Variants in TRAF6 observed in about 807,000 individuals in gnomAD.
TRAF6 encodes TNF receptor-associated factor 6.
TRAF6 carries 10 observed loss-of-function variants against 48.4 expected under a neutral mutation model. That is an observed-to-expected ratio of 0.21 (90% CI 0.13 to 0.35). The LOEUF (loss-of-function observed/expected upper bound fraction) is 0.35. Ranked by LOEUF, TRAF6 falls within the 10% of genes least tolerant of loss-of-function variation. TRAF6 has a pLI of 1.00. For synonymous variants in TRAF6, 186 were observed against 219.6 expected (o/e 0.85, Z 1.35); for missense variants, 397 against 661.0 (o/e 0.60, Z 4.38).
chr11:36,504,976 A>C (rs554949), intron 1 of TRAF6, among the ~76,000 whole-genome samples: 139,334 of 152,258 alleles, frequency 0.92, 64,514 homozygotes, highest in Non-Finnish European at 0.98. Flanking sequence ...GTGGGCTTAA[A>C]ATATTCAGTA....
intron 2 of TRAF6, among the ~76,000 whole-genome samples, chr11:36,500,781 A>C (rs560517517): frequency 6.6e-6 from 1 of 152,258 alleles, no homozygotes; most frequent in South Asian, 2.1e-4. Context: ...TTTACAGTTG[A>C]CCATACACTT....
At chr11:36,504,159 T>C (rs1016147033) in intron 1 of TRAF6, among the ~76,000 whole-genome samples, 2 of 152,150 alleles carry the variant, frequency 1.3e-5, no homozygotes, top group African/African-American at 4.8e-5. Context: ...CTGCTGATGG[T>C]TGAGGTGGCT....
At position 36,501,504 on chromosome 11, in the gene TRAF6, T is replaced by C. The variant is rs1564968297; in HGVS notation, c.12A>G (p.Leu4=). The change falls in exon 2 of 7, where the codon CTA becomes CTG. Residue 4 remains leucine (L), a synonymous_variant. Coordinates refer to ENST00000526995, the MANE Select transcript of TRAF6 (RefSeq NM_004620.4). ...TGGATCCACAGCTGTTTTCACAGTT[T>C]AGCAGACTCATAGTAACTTGATTAT... The part of the protein sequence containing the change: MSL[L]NCENSCGSSQ... 5.0e-6 allele frequency: 8 copies of C among 1,604,488 alleles called. No homozygotes were observed. The highest frequency in any genetic ancestry group is 6.8e-6 in the Non-Finnish European group (8 of 1,173,260).
intron 4 of TRAF6, among the ~76,000 whole-genome samples, chr11:36,495,730 T>C (rs1590637809): frequency 6.6e-6 from 1 of 151,962 alleles, no homozygotes; most frequent in Non-Finnish European, 1.5e-5. Context: ...CCATCTCTAC[T>C]AAAAACACAA....
At chr11:36,508,921 AG>A (rs1456642625) in intron 1 of TRAF6, among the ~76,000 whole-genome samples, 5 of 152,210 alleles carry the variant, frequency 3.3e-5, no homozygotes, top group Non-Finnish European at 7.3e-5. Context: ...ATCACAGAGA[AG>A]AGCTCATGTT....
In TRAF6 at chr11:36,501,204, T is replaced by G. The variant is rs1462204033; in HGVS notation, c.296+16A>C. 1.3e-6 allele frequency: 2 copies of G among 1,548,264 alleles called. No individual in the cohort carries two copies. Among genetic ancestry groups the G allele is most frequent in the Non-Finnish European group, 1.8e-6 (2 of 1,142,342 alleles). On this transcript the variant is annotated intron_variant, in intron 2 of 6. Transcript: ENST00000526995. ...GGTTCTGTTATAGGACACCATTTTT[T>G]CTTATGCTCACGTACCTTATTGATT... is the stretch of plus-strand genomic sequence containing the variant.
intron 2 of TRAF6, among the ~76,000 whole-genome samples, chr11:36,500,909 T>C (rs1301450402): frequency 6.6e-6 from 1 of 152,050 alleles, no homozygotes; most frequent in African/African-American, 2.4e-5. Flanking sequence ...TTAAGGTACA[T>C]TTAAAAAATA....
chr11:36,503,698 T>A (rs1045974224), intron 1 of TRAF6, among the ~76,000 whole-genome samples: 2 of 152,140 alleles, frequency 1.3e-5, no homozygotes, highest in African/African-American at 4.8e-5. Flanking sequence ...AAGCAAACAA[T>A]GGCAAGACAG....
At chr11:36,496,191 T>A (rs1232155050) in intron 4 of TRAF6, among the ~76,000 whole-genome samples, 1 of 152,184 alleles carries the variant, frequency 6.6e-6, no homozygotes, top group African/African-American at 2.4e-5. Context: ...TTGGCAATAT[T>A]AATACAAGTC....
At chr11:36,500,833 C>G (rs369272255) in intron 2 of TRAF6, among the ~76,000 whole-genome samples, 3 of 152,012 alleles carry the variant, frequency 2.0e-5, no homozygotes, top group African/African-American at 7.3e-5. Flanking sequence ...ATCACAATAA[C>G]TGATCACTTA....
At chr11:36,505,385 C>T (rs771764463) in intron 1 of TRAF6, among the ~76,000 whole-genome samples, 34 of 152,288 alleles carry the variant, frequency 2.2e-4, no homozygotes, top group Non-Finnish European at 3.8e-4. Flanking sequence ...TACGGAGATG[C>T]GTTTCTTTCC....
rs1033459948 is a variant in TRAF6, at chr11:36,508,873, A to C, written c.-23+1175T>G. Among the ~76,000 whole-genome samples the C allele has an allele frequency of 1.6e-4, 24 of 152,326 alleles. 1 individual carries two copies. Among genetic ancestry groups the C allele is most frequent in the Admixed American group, 1.5e-3 (23 of 15,304 alleles). ...GGATTTGAACTTCTCTCCAAATCTAAGTGTCCAAAAGTTTACCGGCATCAC... is the reference window on the plus strand; with the variant it reads ...GGATTTGAACTTCTCTCCAAATCTACGTGTCCAAAAGTTTACCGGCATCAC... On this transcript the variant is annotated intron_variant, in intron 1 of 6. Transcript: ENST00000526995.
Position 36,497,241 on chromosome 11 carries a change from G to C in TRAF6, c.473C>G (p.Ala158Gly). 6.2e-7 allele frequency: 1 copy of C among 1,610,218 alleles called. No individual in the cohort carries two copies. Among genetic ancestry groups the C allele is most frequent in the Non-Finnish European group, 8.5e-7 (1 of 1,179,206 alleles). ...LEDHQAHCEFALMDCPQCQRP... is the reference protein window; with the variant it reads ...LEDHQAHCEFGLMDCPQCQRP... ...CTGGCATTGGGGACAATCCATAAGA[G>C]CAAACTCACAATGTGCTTGATGATC... Residue 158 changes from alanine to glycine, a missense_variant, in exon 4 of 7, where the codon GCT becomes GGT. Physicochemically the swap from Ala to Gly is moderately conservative, Grantham distance 60 (BLOSUM62 0). Around this residue, in one of 4 missense-constraint regions of TRAF6, gnomAD observed 245 missense variants for 349.1 expected, o/e 0.70. Coordinates refer to ENST00000526995, the MANE Select transcript of TRAF6 (RefSeq NM_004620.4).
At chr11:36,493,402 A>AT (rs1190741570) in intron 5 of TRAF6, among the ~76,000 whole-genome samples, 1 of 152,132 alleles carries the variant, frequency 6.6e-6, no homozygotes, top group Non-Finnish European at 1.5e-5. Flanking sequence ...GGCCAATAAA[A>AT]TTTTTTGTAA....
Position 36,495,188 on chromosome 11 carries a change from A to T in TRAF6, c.607-141T>A, listed in dbSNP as rs1859613665. On this transcript the variant is annotated intron_variant, in intron 4 of 6. Coordinates refer to ENST00000526995, the MANE Select transcript of TRAF6 (RefSeq NM_004620.4). Reference sequence around the variant, plus strand: ...CAAAGCAAAAGTGAGTGAAAGTGAGAGTAATATATAAAGGCTATTTTCTTT... The same window carrying T: ...CAAAGCAAAAGTGAGTGAAAGTGAGTGTAATATATAAAGGCTATTTTCTTT... 22 of 596,500 alleles carry T rather than the reference A, an allele frequency of 3.7e-5. No homozygotes were observed. In the East Asian group the frequency reaches 6.4e-4, roughly 17 times the overall value. 37.0% of individuals were successfully genotyped at this position (596,500 alleles called of 1,614,324 possible). A position where few individuals can be genotyped will look rare whatever the true frequency, so the allele number is the denominator to read the frequency against.
chr11:36,494,954 A>G, intron 5 of TRAF6, 22 bp downstream of exon 5: 1 of 1,509,278 alleles, frequency 6.6e-7, no homozygotes, highest in Non-Finnish European at 9.1e-7. Flanking sequence ...TGAAAATAAT[A>G]ATTTATGAAA....
Position 36,494,969 on chromosome 11 carries a change from A to G in TRAF6, c.678+7T>C, listed in dbSNP as rs201855650. Reference sequence around the variant, plus strand: ...TGAAAATAATAATTTATGAAAATGAATAATACCTGTTCTCTGATGAGTATA... The same window carrying G: ...TGAAAATAATAATTTATGAAAATGAGTAATACCTGTTCTCTGATGAGTATA... On this transcript the variant is annotated splice_region_variant and intron_variant, in intron 5 of 6. Coordinates refer to ENST00000526995, the MANE Select transcript of TRAF6 (RefSeq NM_004620.4). 28 of 1,565,914 alleles carry G rather than the reference A, an allele frequency of 1.8e-5. No individual in the cohort carries two copies. In the East Asian group the frequency reaches 1.8e-4, roughly 10 times the overall value.
intron 1 of TRAF6, chr11:36,501,959 T>C (rs1859722761): frequency 6.5e-6 from 1 of 153,060 alleles, no homozygotes; most frequent in Non-Finnish European, 1.5e-5. Flanking sequence ...TAGCACACGA[T>C]TTTTCATACA....
chr11:36,501,957 G>A (rs1044500976), intron 1 of TRAF6: 6 of 152,982 alleles, frequency 3.9e-5, no homozygotes, highest in African/African-American at 1.4e-4. Flanking sequence ...CTTAGCACAC[G>A]ATTTTTCATA....
Sources: allele counts gnomAD v4.1 joint callset (sites outside exome capture counted in the v4.1 genomes callset), GRCh38; gene constraint gnomAD v4.1.1; regional missense constraint gnomAD v4.1.1; transcripts MANE v1.5; gene names NCBI Gene and HGNC (gene_info 2026-07-23, HGNC 2026-07-21).